Variants in SYT1 observed in about 807,000 individuals in gnomAD.
SYT1 encodes the protein synaptotagmin 1.
A neutral mutation model predicts 44.8 loss-of-function variants in SYT1; 8 were observed. That is an observed-to-expected ratio of 0.18 (90% CI 0.10 to 0.32). SYT1 has a LOEUF of 0.32. Among genes scored for constraint, SYT1 ranks in the 10% least tolerant of loss-of-function variants. SYT1 has a pLI of 1.00. For synonymous variants in SYT1, 154 were observed against 188.8 expected (o/e 0.82, Z 1.51); for missense variants, 286 against 509.3 (o/e 0.56, Z 4.22).
intron 4 of SYT1, among the ~76,000 whole-genome samples, chr12:79,245,959 A>G (rs1876828318): frequency 6.6e-6 from 1 of 152,154 alleles, no homozygotes; most frequent in Non-Finnish European, 1.5e-5. Context: ...ACGTGGAAAG[A>G]TCAGTTTGGT....
At chr12:79,017,135 T>C (rs1871860305) in intron 2 of SYT1, among the ~76,000 whole-genome samples, 1 of 152,182 alleles carries the variant, frequency 6.6e-6, no homozygotes, top group Non-Finnish European at 1.5e-5. Flanking sequence ...TCAAGTCAGC[T>C]ACCTGAGAAC....
In SYT1 at chr12:79,349,039, A is replaced by AAGAAAGAAAGAAAGAGAG. The variant is rs1555219964; in HGVS notation, c.811-4448_811-4447insGAGAGAAAGAAAGAAAGA. On this transcript the variant is annotated intron_variant, in intron 8 of 10. Coordinates refer to ENST00000261205, the MANE Select transcript of SYT1 (RefSeq NM_005639.3). Reference sequence around the variant, plus strand: ...AGAAAGAAAGAAAGAAAGAAAAAGAAAGAAAGAAAGAAAGAAAGGAGGGAG... The same window carrying AAGAAAGAAAGAAAGAGAG: ...AGAAAGAAAGAAAGAAAGAAAAAGAAAGAAAGAAAGAAAGAGAGAGAAAGAAAGAAAGAAAGGAGGGAG... Among the ~76,000 whole-genome samples, 4 of 140,080 alleles carry AAGAAAGAAAGAAAGAGAG rather than the reference A, an allele frequency of 2.9e-5. No homozygotes were observed. In the South Asian group the frequency reaches 9.4e-4, roughly 33 times the overall value. 91.9% of individuals were successfully genotyped at this position (140,080 alleles called of 152,430 possible).
chr12:79,237,605 T>C (rs923026437), intron 4 of SYT1, among the ~76,000 whole-genome samples: 4 of 152,250 alleles, frequency 2.6e-5, no homozygotes, highest in Admixed American at 2.6e-4. Context: ...AAACAAACAA[T>C]AGGGAGGCTC....
chr12:79,351,967 A>G (rs79819987), intron 8 of SYT1, among the ~76,000 whole-genome samples: 5,028 of 152,184 alleles, frequency 0.033, 94 homozygotes, highest in Middle Eastern at 0.065. Context: ...CACTGAGACA[A>G]AAACAGAGTT....
intron 9 of SYT1, among the ~76,000 whole-genome samples, chr12:79,374,294 C>A (rs945909310): frequency 2.0e-5 from 3 of 152,074 alleles, no homozygotes; most frequent in African/African-American, 7.2e-5. Flanking sequence ...CACTGGAGAT[C>A]AGAGAAACTA....
chr12:78,880,094 G>T (rs1003093307), intron 1 of SYT1, among the ~76,000 whole-genome samples: 33 of 151,776 alleles, frequency 2.2e-4, no homozygotes, highest in African/African-American at 8.0e-4. Context: ...CATTATATAT[G>T]ATTATGTATT....
intron 8 of SYT1, among the ~76,000 whole-genome samples, chr12:79,328,599 C>A (rs944101697): frequency 6.6e-6 from 1 of 152,158 alleles, no homozygotes; most frequent in Non-Finnish European, 1.5e-5. Flanking sequence ...GTAATCCCAG[C>A]ACTTTGGGAG....
Position 79,124,357 on chromosome 12 carries a change from G to T in SYT1, c.-18+76995G>T, listed in dbSNP as rs1227636112. On this transcript the variant is annotated intron_variant, in intron 3 of 10. Coordinates refer to ENST00000261205, the MANE Select transcript of SYT1 (RefSeq NM_005639.3). The stretch of plus-strand genomic sequence containing the variant: ...GGAGACAATACCACCAAAGCTCTCA[G>T]AATCAGAATATCACATATTATCCTA... Among the ~76,000 whole-genome samples, 4 of 152,074 alleles carry T rather than the reference G, an allele frequency of 2.6e-5. No individual in the cohort carries two copies. The South Asian group carries it at 6.2e-4, about 24-fold the overall frequency.
At chr12:79,243,157 T>C (rs1876613409) in intron 4 of SYT1, among the ~76,000 whole-genome samples, 1 of 152,132 alleles carries the variant, frequency 6.6e-6, no homozygotes, top group Non-Finnish European at 1.5e-5. Flanking sequence ...TCCCATCGGG[T>C]CCCTCCCACA....
chr12:78,954,722 G>A (rs1378538435), intron 1 of SYT1, among the ~76,000 whole-genome samples: 2 of 152,008 alleles, frequency 1.3e-5, no homozygotes, highest in Non-Finnish European at 2.9e-5. Flanking sequence ...ATTAGCACAT[G>A]AGGGAAAAAT....
At chr12:79,300,321 C>A (rs1017145032) in intron 8 of SYT1, among the ~76,000 whole-genome samples, 3 of 152,118 alleles carry the variant, frequency 2.0e-5, no homozygotes, top group African/African-American at 7.2e-5. Context: ...TCTCCAAATT[C>A]CTAAAACAAC....
intron 3 of SYT1, among the ~76,000 whole-genome samples, chr12:79,115,932 C>T (rs1408826871): frequency 6.6e-6 from 1 of 152,158 alleles, no homozygotes; most frequent in African/African-American, 2.4e-5. Flanking sequence ...TAAAATTTCT[C>T]ACTTCCCCAC....
intron 1 of SYT1, among the ~76,000 whole-genome samples, chr12:78,935,278 G>T (rs1037166142): frequency 2.6e-5 from 4 of 152,128 alleles, no homozygotes. Context: ...TGCTGTGAAG[G>T]TTCTGAGAGG....
rs1425308328 is a variant in SYT1 at position 79,224,744 on chromosome 12, TTTATTTTTTATTATTA to T, written c.166+7065_166+7080del. On this transcript the variant is annotated intron_variant, in intron 4 of 10. Transcript: ENST00000261205. Reference sequence around the variant, plus strand: ...TTTGTTTTGTTTCATTTTTTATTTATTTATTTTTTATTATTATTATTATTATTATTATTATTATTAT... The same window carrying T: ...TTTGTTTTGTTTCATTTTTTATTTATTTATTATTATTATTATTATTATTAT... Among the ~76,000 whole-genome samples the T allele has an allele frequency of 4.3e-3, 630 of 145,820 alleles. 8 individuals carry two copies. The highest frequency in any genetic ancestry group is 0.013 in the African/African-American group (528 of 39,782).
intron 2 of SYT1, among the ~76,000 whole-genome samples, chr12:79,027,461 T>C (rs1872603443): frequency 6.6e-6 from 1 of 151,332 alleles, no homozygotes; most frequent in Non-Finnish European, 1.5e-5. Context: ...AAAATGTCAA[T>C]GCATATATAA....
intron 9 of SYT1, among the ~76,000 whole-genome samples, chr12:79,439,338 G>A (rs1395693490): frequency 2.0e-5 from 3 of 152,146 alleles, no homozygotes; most frequent in Non-Finnish European, 4.4e-5. Context: ...CCCATCTCAC[G>A]CTGCGAGACC....
chr12:79,056,065 C>A (rs1202518608), intron 3 of SYT1, among the ~76,000 whole-genome samples: 1 of 151,960 alleles, frequency 6.6e-6, no homozygotes, highest in Non-Finnish European at 1.5e-5. Context: ...GAACAAAAGG[C>A]TAAACCATAC....
chr12:79,013,839 G>A (rs1438665574), intron 2 of SYT1, among the ~76,000 whole-genome samples: 1 of 152,006 alleles, frequency 6.6e-6, no homozygotes, highest in Non-Finnish European at 1.5e-5. Flanking sequence ...TAGAAAATAA[G>A]CCTTCAGGCC....
chr12:78,942,517 A>C (rs1000693241), intron 1 of SYT1, among the ~76,000 whole-genome samples: 3 of 152,076 alleles, frequency 2.0e-5, no homozygotes, highest in Non-Finnish European at 2.9e-5. Flanking sequence ...GCATTCCATG[A>C]CCTTTCCATG....
Sources: gnomAD v4.1 joint callset for allele counts (sites outside exome capture counted in the v4.1 genomes callset) on GRCh38, gnomAD v4.1.1 for gene constraint, MANE v1.5 for transcripts, NCBI Gene and HGNC (gene_info 2026-07-23, HGNC 2026-07-21) for gene names.